The following JAKMIP1 variants were observed in gnomAD, a reference collection of about 807,000 sequenced individuals.
The protein encoded by JAKMIP1 is janus kinase and microtubule-interacting protein 1.
JAKMIP1 carries 33 observed loss-of-function variants against 113.0 expected under a neutral mutation model. That is an observed-to-expected ratio of 0.29 (90% CI 0.22 to 0.39). JAKMIP1 has a LOEUF of 0.39. Ranked by LOEUF, JAKMIP1 falls within the 10% of genes least tolerant of loss-of-function variation. The pLI is 1.00. For missense variants in JAKMIP1, 813 were observed against 1,080.5 expected, an observed-to-expected ratio of 0.75 and a Z score of 3.47; for synonymous variants, 480 against 459.9, an observed-to-expected ratio of 1.04 and a Z score of -0.56.
intron 1 of JAKMIP1, among the ~76,000 whole-genome samples, chr4:6,115,810 G>A (rs935262549): frequency 1.3e-5 from 2 of 152,204 alleles, no homozygotes; most frequent in Non-Finnish European, 2.9e-5. Context: ...ACATCCACAG[G>A]AGCAGCCCAC....
intron 1 of JAKMIP1, among the ~76,000 whole-genome samples, chr4:6,132,333 G>A (rs1332780392): frequency 6.6e-6 from 1 of 152,164 alleles, no homozygotes; most frequent in East Asian, 1.9e-4. Flanking sequence ...GACAGAGCAT[G>A]GAAATGTTAT....
intron 19 of JAKMIP1, among the ~76,000 whole-genome samples, chr4:6,030,125 A>G (rs1712410544): frequency 6.6e-6 from 1 of 152,196 alleles, no homozygotes; most frequent in South Asian, 2.1e-4. Flanking sequence ...TAAAAACAAA[A>G]CATCGAGACT....
rs377559333 is a variant in JAKMIP1 at position 6,183,054 on chromosome 4, C to A, written c.-148+17199G>T. Among the ~76,000 whole-genome samples the A allele has an allele frequency of 6.6e-6, 1 of 152,174 alleles. No homozygotes were observed. Among genetic ancestry groups the A allele is most frequent in the Non-Finnish European group, 1.5e-5 (1 of 68,038 alleles). On this transcript the variant is annotated intron_variant, in intron 1 of 20. Transcript: ENST00000409021. This position sits in a 1 kb window ranked among gnomAD's most constrained non-coding sequence, Gnocchi z 5.3. ...GAGGCTCCAGGTTCCCAGGTCCCAT[C>A]TTAGTAATACAAGGACTCTTGAAGG...
In JAKMIP1 at chr4:6,026,203, C is replaced by T; in HGVS notation, c.*25G>A. On this transcript the variant is annotated 3_prime_UTR_variant, in exon 21 of 21. Transcript: ENST00000409021. ...TCTGCGAAAAGGAAAGGATACCAAC[C>T]CGAGTTCTTGGCTCACTGAAGTCAT... 1 of 1,546,274 alleles carries T rather than the reference C, an allele frequency of 6.5e-7. No homozygotes were observed. Among genetic ancestry groups the T allele is most frequent in the African/African-American group, 1.4e-5 (1 of 72,664 alleles).
intron 1 of JAKMIP1, among the ~76,000 whole-genome samples, chr4:6,126,937 C>T (rs1412216342): frequency 3.3e-5 from 5 of 151,624 alleles, no homozygotes; most frequent in Non-Finnish European, 7.4e-5. Flanking sequence ...ACACATCATA[C>T]ACAAACATAC....
chr4:6,159,088 C>CAA (rs111279741), intron 1 of JAKMIP1, among the ~76,000 whole-genome samples: 9,589 of 143,416 alleles, frequency 0.067, 517 homozygotes, highest in African/African-American at 0.15. Flanking sequence ...GATCCTGTCT[C>CAA]AAAAAAAAAA....
intron 12 of JAKMIP1, chr4:6,054,779 A>G (rs1054580969): frequency 6.6e-6 from 3 of 456,610 alleles, no homozygotes; most frequent in African/African-American, 2.0e-5. Flanking sequence ...AGCAGCACCC[A>G]TCGCCTGGCA....
chr4:6,083,872 T>A (rs1720924372), intron 5 of JAKMIP1, among the ~76,000 whole-genome samples: 1 of 152,212 alleles, frequency 6.6e-6, no homozygotes, highest in African/African-American at 2.4e-5. Context: ...GAAATTTCTA[T>A]TTTTACTGGA....
At position 6,184,625 on chromosome 4, in the gene JAKMIP1, T is replaced by C. The variant is rs1384471658; in HGVS notation, c.-148+15628A>G. 6.6e-6 allele frequency among the ~76,000 whole-genome samples: 1 copy of C among 152,178 alleles called. No homozygotes were observed. Among genetic ancestry groups the C allele is most frequent in the Non-Finnish European group, 1.5e-5 (1 of 68,032 alleles). ...GAAACAAGGGTCCCCCGCGCTCACCTGTAGATTCAGCAAGAGAGCAGGGGT... is the reference window on the plus strand; with the variant it reads ...GAAACAAGGGTCCCCCGCGCTCACCCGTAGATTCAGCAAGAGAGCAGGGGT... On this transcript the variant is annotated intron_variant, in intron 1 of 20. Coordinates refer to ENST00000409021, the MANE Select transcript of JAKMIP1 (RefSeq NM_001099433.2). The surrounding 1 kb of genome is among the most constrained non-coding windows in gnomAD (Gnocchi z 4.5).
At chr4:6,152,321 C>A (rs188587478) in intron 1 of JAKMIP1, among the ~76,000 whole-genome samples, 157 of 152,332 alleles carry the variant, frequency 1.0e-3, no homozygotes, top group Admixed American at 1.8e-3. Flanking sequence ...CTCATCCAAG[C>A]CTTCCTTTCT....
rs1322545609 is a variant in JAKMIP1, at chr4:6,081,457, C to T, written c.1101+152G>A. On this transcript the variant is annotated intron_variant, in intron 6 of 20. Transcript: ENST00000409021. This position sits in a 1 kb window ranked among gnomAD's most constrained non-coding sequence, Gnocchi z 4.6. ...AATGTGAGACAGGTGGAGAGAAAGG[C>T]GAGACATCTGTGACTGACACTGTGC... 21 of 806,782 alleles carry T rather than the reference C, an allele frequency of 2.6e-5. No homozygotes were observed. Among genetic ancestry groups the T allele is most frequent in the East Asian group, 1.0e-4 (4 of 39,114 alleles). The allele number at this position is 806,782 out of a possible 1,614,324, so 50.0% of individuals were successfully genotyped here. A position where few individuals can be genotyped will look rare whatever the true frequency, so the allele number is the denominator to read the frequency against.
Position 6,135,173 on chromosome 4 carries a change from C to T in JAKMIP1, c.-147-22176G>A, listed in dbSNP as rs1719049869. Among the ~76,000 whole-genome samples, 1 of 152,220 alleles carries T rather than the reference C, an allele frequency of 6.6e-6. No homozygotes were observed. The highest frequency in any genetic ancestry group is 1.5e-5 in the Non-Finnish European group (1 of 67,996). ...CCCTCCAAAATTCTTATGTTGAATC[C>T]CCAACCCCCAGCACCTCAGGACTTC... On this transcript the variant is annotated intron_variant, in intron 1 of 20. Transcript: ENST00000409021. The surrounding 1 kb of genome is among the most constrained non-coding windows in gnomAD (Gnocchi z 4.9).
At chr4:6,172,505 C>G (rs980220460) in intron 1 of JAKMIP1, among the ~76,000 whole-genome samples, 2 of 151,968 alleles carry the variant, frequency 1.3e-5, no homozygotes, top group Admixed American at 1.3e-4. Context: ...CCTGTTCTGA[C>G]CCCTGGGGAG....
chr4:6,040,784 GTT>G lies in JAKMIP1; in HGVS notation c.2098-70_2098-69del, dbSNP rs1714202549. On this transcript the variant is annotated intron_variant, in intron 17 of 20. Coordinates refer to ENST00000409021, the MANE Select transcript of JAKMIP1 (RefSeq NM_001099433.2). The surrounding 1 kb of genome is among the most constrained non-coding windows in gnomAD (Gnocchi z 5.8). Reference sequence around the variant, plus strand: ...GGAATCCATGACAGCTTCAGAGCCCGTTTGCTAGAGAGTGGCAGTCTCACCGA... The same window carrying G: ...GGAATCCATGACAGCTTCAGAGCCCGTGCTAGAGAGTGGCAGTCTCACCGA... 2.4e-6 allele frequency: 3 copies of G among 1,264,664 alleles called. No homozygotes were observed. The highest frequency in any genetic ancestry group is 1.1e-6 in the Non-Finnish European group (1 of 875,208). 78.3% of individuals were successfully genotyped at this position (1,264,664 alleles called of 1,614,324 possible). A position where few individuals can be genotyped will look rare whatever the true frequency, so the allele number is the denominator to read the frequency against.
rs1360225586 is a variant in JAKMIP1, at chr4:6,199,702, G to A, written c.-148+551C>T. On this transcript the variant is annotated intron_variant, in intron 1 of 20. Coordinates refer to ENST00000409021, the MANE Select transcript of JAKMIP1 (RefSeq NM_001099433.2). The surrounding 1 kb of genome is among the most constrained non-coding windows in gnomAD (Gnocchi z 5.6). The stretch of plus-strand genomic sequence containing the variant: ...GCGTGTGCCGTGCGTGGGGTGGGGT[G>A]CGGGCTGGGCGGCCTCGCCTTCGGG... 6.6e-6 allele frequency among the ~76,000 whole-genome samples: 1 copy of A among 151,526 alleles called. No individual in the cohort carries two copies. Among genetic ancestry groups the A allele is most frequent in the Non-Finnish European group, 1.5e-5 (1 of 67,838 alleles).
At position 6,059,397 on chromosome 4, in the gene JAKMIP1, C is replaced by T. The variant is rs1716944406; in HGVS notation, c.1644+1027G>A. 6.6e-6 allele frequency among the ~76,000 whole-genome samples: 1 copy of T among 152,164 alleles called. No individual in the cohort carries two copies. Among genetic ancestry groups the T allele is most frequent in the Admixed American group, 6.5e-5 (1 of 15,282 alleles). On this transcript the variant is annotated intron_variant, in intron 11 of 20. Coordinates refer to ENST00000409021, the MANE Select transcript of JAKMIP1 (RefSeq NM_001099433.2). The surrounding 1 kb of genome is among the most constrained non-coding windows in gnomAD (Gnocchi z 4.8). ...TTCTGGAGCTGCTTCTGTTAAGCCG[C>T]CTGGAACCTCTTACACCCCTTGCTT...
At chr4:6,030,007 C>T (rs1481591341) in intron 19 of JAKMIP1, among the ~76,000 whole-genome samples, 1 of 152,118 alleles carries the variant, frequency 6.6e-6, no homozygotes, top group Non-Finnish European at 1.5e-5. Context: ...AATTCCAGCT[C>T]TGCAAAGGAA....
intron 3 of JAKMIP1, among the ~76,000 whole-genome samples, chr4:6,098,507 AAAGG>A (rs979054885): frequency 5.9e-4 from 85 of 143,726 alleles, no homozygotes; most frequent in Middle Eastern, 3.5e-3. Flanking sequence ...AAAAGAAAGG[AAAGG>A]AAGGAAGGAA....
At position 6,139,609 on chromosome 4, in the gene JAKMIP1, T is replaced by C. The variant is rs1226612694; in HGVS notation, c.-147-26612A>G. Among the ~76,000 whole-genome samples, 3 of 151,362 alleles carry C rather than the reference T, an allele frequency of 2.0e-5. No individual in the cohort carries two copies. Among genetic ancestry groups the C allele is most frequent in the African/African-American group, 4.9e-5 (2 of 41,060 alleles). On this transcript the variant is annotated intron_variant, in intron 1 of 20. Transcript: ENST00000409021. This position sits in a 1 kb window ranked among gnomAD's most constrained non-coding sequence, Gnocchi z 5.2. ...AGTGAAACCCCATCTCTACTAAAAA[T>C]ACAAAAATTAGCCAGGTGTGGTGGC...
Sources: gnomAD v4.1 joint callset for allele counts (sites outside exome capture counted in the v4.1 genomes callset) on GRCh38, gnomAD v4.1.1 for gene constraint, Gnocchi (gnomAD v3.1) non-coding constraint, MANE v1.5 for transcripts, NCBI Gene and HGNC (gene_info 2026-07-23, HGNC 2026-07-21) for gene names.